GALNTL6: variants seen among roughly 807,000 people sequenced by gnomAD.
The protein encoded by GALNTL6 is polypeptide N-acetylgalactosaminyltransferase-like 6.
Under a neutral mutation model 73.7 loss-of-function variants are expected in GALNTL6, and 46 were observed. That is an observed-to-expected ratio of 0.62 (90% CI 0.49 to 0.80). The LOEUF (loss-of-function observed/expected upper bound fraction) is 0.80, where lower values mean the gene tolerates loss of function less well. Ranked by LOEUF, GALNTL6 falls within the 30% of genes least tolerant of loss-of-function variation. The pLI is 0.00. For missense variants in GALNTL6, 604 were observed against 755.0 expected, an observed-to-expected ratio of 0.80 and a Z score of 2.34; for synonymous variants, 259 against 263.7, an observed-to-expected ratio of 0.98 and a Z score of 0.17.
chr4:171,899,301 A>G (rs1737012563), intron 2 of GALNTL6, among the ~76,000 whole-genome samples: 1 of 152,024 alleles, frequency 6.6e-6, no homozygotes, highest in African/African-American at 2.4e-5. Flanking sequence ...ATATATTTTT[A>G]TTCTCATTCA....
intron 2 of GALNTL6, among the ~76,000 whole-genome samples, chr4:172,130,160 T>C (rs1010018360): frequency 1.3e-5 from 2 of 150,348 alleles, no homozygotes; most frequent in Non-Finnish European, 3.0e-5. Context: ...CAGGCAGTTG[T>C]TGGGTAGATC....
At chr4:172,972,647 T>A (rs1391471406) in intron 10 of GALNTL6, among the ~76,000 whole-genome samples, 2 of 152,156 alleles carry the variant, frequency 1.3e-5, no homozygotes, top group Non-Finnish European at 2.9e-5. Flanking sequence ...ATTCTAGTTG[T>A]GGGGCAGGAA....
intron 4 of GALNTL6, among the ~76,000 whole-genome samples, chr4:172,337,536 C>T (rs1158773490): frequency 3.9e-5 from 6 of 151,938 alleles, no homozygotes; most frequent in African/African-American, 1.5e-4. Flanking sequence ...GCTTAAAAAG[C>T]TTAGTTTAGT....
Position 172,722,628 on chromosome 4 carries a change from T to C in GALNTL6, c.554-86733T>C, listed in dbSNP as rs564513027. Among the ~76,000 whole-genome samples the C allele has an allele frequency of 7.2e-5, 11 of 152,196 alleles. 1 individual carries two copies. In the Middle Eastern group the frequency reaches 0.01, roughly 141 times the overall value. On this transcript the variant is annotated intron_variant, in intron 5 of 12. Coordinates refer to ENST00000506823, the MANE Select transcript of GALNTL6 (RefSeq NM_001034845.3). ...ATATAAGAAAAGATCAGAAAACATA[T>C]TGAAAAATGAAAAAAATAATTTTAC...
chr4:173,029,641 T>A (rs1403357099), intron 12 of GALNTL6, among the ~76,000 whole-genome samples: 1 of 152,200 alleles, frequency 6.6e-6, no homozygotes, highest in Non-Finnish European at 1.5e-5. Context: ...CTTCACACAC[T>A]CAGCTTCTTA....
At chr4:172,443,723 T>C (rs1561085726) in intron 5 of GALNTL6, among the ~76,000 whole-genome samples, 1 of 152,170 alleles carries the variant, frequency 6.6e-6, no homozygotes, top group Non-Finnish European at 1.5e-5. Flanking sequence ...CTATTTTTAG[T>C]ATTGGGGGAA....
intron 2 of GALNTL6, among the ~76,000 whole-genome samples, chr4:172,074,896 C>T (rs1731656586): frequency 6.6e-6 from 1 of 152,132 alleles, no homozygotes; most frequent in Non-Finnish European, 1.5e-5. Context: ...TTAAAATATG[C>T]TAAAGATTCT....
At chr4:172,495,693 A>T (rs1212062733) in intron 5 of GALNTL6, among the ~76,000 whole-genome samples, 2 of 152,170 alleles carry the variant, frequency 1.3e-5, no homozygotes, top group African/African-American at 4.8e-5. Flanking sequence ...TCAATCATCA[A>T]TGTGTAGATG....
chr4:172,209,029 T>C (rs1203637179), intron 2 of GALNTL6, among the ~76,000 whole-genome samples: 1 of 152,108 alleles, frequency 6.6e-6, no homozygotes, highest in Non-Finnish European at 1.5e-5. Flanking sequence ...TTTTTAATTC[T>C]CAAGTACATT....
At chr4:172,952,503 G>GTTTGTT (rs896956307) in intron 10 of GALNTL6, among the ~76,000 whole-genome samples, 6 of 151,066 alleles carry the variant, frequency 4.0e-5, no homozygotes, top group Middle Eastern at 3.4e-3. Context: ...ATTTTTGTTT[G>GTTTGTT]TTTGTTTTTG....
intron 4 of GALNTL6, among the ~76,000 whole-genome samples, chr4:172,329,689 C>T (rs930171234): frequency 3.3e-5 from 5 of 152,112 alleles, no homozygotes; most frequent in Non-Finnish European, 1.5e-5. Flanking sequence ...GAAACTGCTC[C>T]AGTCCCTAGT....
At chr4:172,108,038 A>G (rs551504149) in intron 2 of GALNTL6, among the ~76,000 whole-genome samples, 3 of 152,342 alleles carry the variant, frequency 2.0e-5, no homozygotes, top group South Asian at 2.1e-4. Context: ...AAGTAGCTAC[A>G]AAATATTCCT....
At chr4:171,989,350 C>A (rs562004901) in intron 2 of GALNTL6, among the ~76,000 whole-genome samples, 130 of 152,236 alleles carry the variant, frequency 8.5e-4, no homozygotes, top group African/African-American at 2.6e-3. Flanking sequence ...CTTGGGCCAG[C>A]ATTCCAGGGG....
chr4:172,181,756 A>T (rs1305681112), intron 2 of GALNTL6, among the ~76,000 whole-genome samples: 4 of 149,506 alleles, frequency 2.7e-5, no homozygotes, highest in Non-Finnish European at 5.9e-5. Flanking sequence ...TTGCTCTGTA[A>T]CCAAGGCTGG....
At chr4:172,280,131 A>G (rs2111077083) in intron 3 of GALNTL6, among the ~76,000 whole-genome samples, 1 of 152,344 alleles carries the variant, frequency 6.6e-6, no homozygotes, top group East Asian at 1.9e-4. Flanking sequence ...TTGTTTTGCA[A>G]GAAGAAAAAG....
intron 3 of GALNTL6, among the ~76,000 whole-genome samples, chr4:172,297,454 G>T (rs1009314835): frequency 6.6e-6 from 1 of 152,068 alleles, no homozygotes; most frequent in Non-Finnish European, 1.5e-5. Context: ...GAATGGTATT[G>T]CCTAGGTTTT....
intron 2 of GALNTL6, among the ~76,000 whole-genome samples, chr4:171,946,895 C>G (rs187220725): frequency 1.6e-5 from 2 of 121,256 alleles, no homozygotes; most frequent in East Asian, 4.9e-4. Flanking sequence ...GTAAGGACTC[C>G]ATATGTTTTA....
intron 4 of GALNTL6, among the ~76,000 whole-genome samples, chr4:172,323,249 G>T (rs1035033625): frequency 5.3e-5 from 8 of 151,978 alleles, no homozygotes; most frequent in Non-Finnish European, 5.9e-5. Flanking sequence ...AAACATGCTT[G>T]CATATACTTG....
At chr4:172,361,294 A>C (rs1742360448) in intron 5 of GALNTL6, among the ~76,000 whole-genome samples, 1 of 54,376 alleles carries the variant, frequency 1.8e-5, no homozygotes, top group Admixed American at 2.4e-4. Context: ...ATTATTATTG[A>C]GTACTATGAA....
Sources: allele counts gnomAD v4.1 joint callset (sites outside exome capture counted in the v4.1 genomes callset), GRCh38; gene constraint gnomAD v4.1.1; transcripts MANE v1.5; gene names NCBI Gene and HGNC (gene_info 2026-07-23, HGNC 2026-07-21).